The following SLC2A4 variants were observed in gnomAD, a reference collection of about 807,000 sequenced individuals.
The protein encoded by SLC2A4 is solute carrier family 2, facilitated glucose transporter member 4.
A neutral mutation model predicts 53.3 loss-of-function variants in SLC2A4; 31 were observed. That is an observed-to-expected ratio of 0.58 (90% CI 0.44 to 0.78). The LOEUF (loss-of-function observed/expected upper bound fraction) is 0.78. Among genes scored for constraint, SLC2A4 ranks in the 30% least tolerant of loss-of-function variants. The pLI is 0.00. For missense variants in SLC2A4, 538 were observed against 655.7 expected (o/e 0.82, Z 1.96); for synonymous variants, 276 against 281.9 (o/e 0.98, Z 0.21).
chr17:7,286,037 C>G (rs754738529), intron 10 of SLC2A4, 129 bp downstream of exon 10: 16 of 791,038 alleles, frequency 2.0e-5, no homozygotes, highest in Non-Finnish European at 3.2e-5. Flanking sequence ...TTTGGTGGAC[C>G]ACCTGCTCCA....
chr17:7,284,532 G>A lies in SLC2A4; in HGVS notation c.775G>A (p.Glu259Lys), dbSNP rs767652718. The change falls in exon 7 of 11, where the codon GAG becomes AAG. Residue 259 changes from glutamate to lysine, a missense_variant. Physicochemically the swap from Glu to Lys is moderately conservative, Grantham distance 56. Transcript: ENST00000317370. This position sits in a 1 kb window ranked among gnomAD's most constrained non-coding sequence, Gnocchi z 7.5. ...GWADVSGVLA[E>K]LKDEKRKLER... is the part of the protein sequence containing the mutation. Reference sequence around the variant, plus strand: ...GGCCGATGTTTCTGGAGTGCTGGCTGAGCTGAAGGATGAGAAGCGGAAGCT... The same window carrying A: ...GGCCGATGTTTCTGGAGTGCTGGCTAAGCTGAAGGATGAGAAGCGGAAGCT... The A allele has an allele frequency of 6.2e-7, 1 of 1,614,270 alleles. No homozygotes were observed. The highest frequency in any genetic ancestry group is 8.5e-7 in the Non-Finnish European group (1 of 1,180,050).
rs1386223764 is a variant in SLC2A4 at position 7,284,723 on chromosome 17, A to G, written c.915+51A>G. The G allele has an allele frequency of 3.1e-6, 5 of 1,611,288 alleles. No individual in the cohort carries two copies. The Admixed American group carries it at 8.3e-5, about 27-fold the overall frequency. ...GGGCACAGCCCCGGGAGGGTAGACGAGAGTGGGGAGCAAACCCCCTCCACC... is the reference window on the plus strand; with the variant it reads ...GGGCACAGCCCCGGGAGGGTAGACGGGAGTGGGGAGCAAACCCCCTCCACC... On this transcript the variant is annotated intron_variant, in intron 7 of 10. Transcript: ENST00000317370. This position sits in a 1 kb window ranked among gnomAD's most constrained non-coding sequence, Gnocchi z 7.5.
chr17:7,284,861 C>T lies in SLC2A4; in HGVS notation c.942C>T (p.Phe314=), dbSNP rs143529618. The T allele has an allele frequency of 1.2e-5, 20 of 1,614,090 alleles. No homozygotes were observed. Among genetic ancestry groups the T allele is most frequent in the African/African-American group, 6.7e-5 (5 of 74,942 alleles). ...NAVFYYSTSI[F]ETAGVGQPAY... is the part of the protein sequence containing the mutation. ...TTTTCTATTATTCGACCAGCATCTT[C>T]GAGACAGCAGGGGTAGGCCAGCCTG... The change falls in exon 8 of 11, where the codon TTC becomes TTT. Residue 314 remains phenylalanine (F), a synonymous_variant. Transcript: ENST00000317370. The surrounding 1 kb of genome is among the most constrained non-coding windows in gnomAD (Gnocchi z 7.5).
Position 7,288,156 on chromosome 17 carries a change from G to A in SLC2A4, c.*1527G>A, listed in dbSNP as rs1001013141. ...ACACAGCTGGAGACATGGCAGCAAGGATGCCAGGCCCTGCCCACGGCCCCA... is the reference window on the plus strand; with the variant it reads ...ACACAGCTGGAGACATGGCAGCAAGAATGCCAGGCCCTGCCCACGGCCCCA... On this transcript the variant is annotated 3_prime_UTR_variant, in exon 11 of 11. Transcript: ENST00000317370. 6.5e-6 allele frequency: 1 copy of A among 153,490 alleles called. No individual in the cohort carries two copies. The highest frequency in any genetic ancestry group is 2.4e-5 in the African/African-American group (1 of 41,428). The allele number at this position is 153,490 out of a possible 1,614,324, so 9.5% of individuals were successfully genotyped here. A position where few individuals can be genotyped will look rare whatever the true frequency, so the allele number is the denominator to read the frequency against.
At position 7,284,269 on chromosome 17, in the gene SLC2A4, T is replaced by C; in HGVS notation, c.617T>C (p.Leu206Pro). The change falls in exon 6 of 11, where the codon CTG becomes CCG. Residue 206 changes from leucine to proline, a missense_variant. Leu to Pro is a moderately conservative substitution (Grantham distance 98). Transcript: ENST00000317370. This position sits in a 1 kb window ranked among gnomAD's most constrained non-coding sequence, Gnocchi z 7.5. ...ACTGCCAGCCTGTGGCCACTGCTCC[T>C]GGGCCTCACAGTGCTACCTGCCCTC... ...LGTASLWPLL[L>P]GLTVLPALLQ... The C allele has an allele frequency of 6.2e-7, 1 of 1,613,964 alleles. No individual in the cohort carries two copies. The highest frequency in any genetic ancestry group is 8.5e-7 in the Non-Finnish European group (1 of 1,180,016).
chr17:7,286,071 C>G (rs2072447335), intron 10 of SLC2A4, 163 bp downstream of exon 10: 3 of 669,386 alleles, frequency 4.5e-6, no homozygotes, highest in Admixed American at 2.9e-5. Context: ...AGGAAGGGAG[C>G]TGACCTAGAT....
chr17:7,282,169 C>T lies in SLC2A4; in HGVS notation c.33+202C>T, dbSNP rs1370257117. On this transcript the variant is annotated intron_variant, in intron 1 of 10. Transcript: ENST00000317370. The surrounding 1 kb of genome is among the most constrained non-coding windows in gnomAD (Gnocchi z 4.1). ...CAAAAGGCAGAGTGGGTCTGGAGGG[C>T]CTTTCGGGGCACAGGCAGCAAGTGG... The T allele has an allele frequency of 1.1e-5, 7 of 636,096 alleles. No individual in the cohort carries two copies. Among genetic ancestry groups the T allele is most frequent in the Non-Finnish European group, 1.4e-5 (5 of 350,176 alleles). 39.4% of individuals were successfully genotyped at this position (636,096 alleles called of 1,614,324 possible).
rs765115135 is a variant in SLC2A4, at chr17:7,283,346, C to T, written c.135C>T (p.Ile45=). Residue 45 remains isoleucine, a synonymous_variant, in exon 2 of 11, where the codon ATC becomes ATT. Transcript: ENST00000317370. This position sits in a 1 kb window ranked among gnomAD's most constrained non-coding sequence, Gnocchi z 5.8. ...AGTTTGGGTACAACATTGGGGTCATCAATGCCCCTCAGAAGGTGAGGGCCT... is the reference window on the plus strand; with the variant it reads ...AGTTTGGGTACAACATTGGGGTCATTAATGCCCCTCAGAAGGTGAGGGCCT... ...SLQFGYNIGV[I]NAPQKVIEQS... 4.3e-6 allele frequency: 7 copies of T among 1,613,558 alleles called. No homozygotes were observed. The highest frequency in any genetic ancestry group is 5.9e-6 in the Non-Finnish European group (7 of 1,179,708).
Position 7,282,107 on chromosome 17 carries a change from G to C in SLC2A4, c.33+140G>C. The C allele has an allele frequency of 2.7e-6, 2 of 744,656 alleles. No homozygotes were observed. The highest frequency in any genetic ancestry group is 4.7e-6 in the Non-Finnish European group (2 of 426,300). The allele number at this position is 744,656 out of a possible 1,614,324, so 46.1% of individuals were successfully genotyped here. On this transcript the variant is annotated intron_variant, in intron 1 of 10. Transcript: ENST00000317370. The surrounding 1 kb of genome is among the most constrained non-coding windows in gnomAD (Gnocchi z 4.1). ...GTAGGGGGCTGGCTATTTATACCCG[G>C]CCTGGACAACCCGTGACTGTGAGAT... is the stretch of plus-strand genomic sequence containing the variant.
Position 7,285,053 on chromosome 17 carries a change from A to AAAAGGCTGGGG in SLC2A4, c.1021-34_1021-24dup, listed in dbSNP as rs1464356559. 6.2e-7 allele frequency: 1 copy of AAAAGGCTGGGG among 1,609,788 alleles called. No homozygotes were observed. The highest frequency in any genetic ancestry group is 8.5e-7 in the Non-Finnish European group (1 of 1,178,430). On this transcript the variant is annotated intron_variant, in intron 8 of 10. Coordinates refer to ENST00000317370, the MANE Select transcript of SLC2A4 (RefSeq NM_001042.3). This position sits in a 1 kb window ranked among gnomAD's most constrained non-coding sequence, Gnocchi z 6.0. ...GCGGCCCCTCCTACTTCCCGTGCCC[A>AAAAGGCTGGGG]AAAGGCTGGGGTCAAGCTCCGACTC... is the stretch of plus-strand genomic sequence containing the variant.
In SLC2A4 at chr17:7,285,875, C is replaced by T; in HGVS notation, c.1293C>T (p.Asn431=). The change falls in exon 10 of 11, where the codon AAC becomes AAT. Residue 431 remains asparagine, a synonymous_variant. Transcript: ENST00000317370. The surrounding 1 kb of genome is among the most constrained non-coding windows in gnomAD (Gnocchi z 6.0). ...AVAGFSNWTS[N]FIIGMGFQYV... is the part of the protein sequence containing the mutation. ...CTGGTTTCTCCAACTGGACGAGCAA[C>T]TTCATCATTGGCATGGGTTTCCAGT... 1 of 1,614,152 alleles carries T rather than the reference C, an allele frequency of 6.2e-7. No individual in the cohort carries two copies. The highest frequency in any genetic ancestry group is 8.5e-7 in the Non-Finnish European group (1 of 1,179,966).
At position 7,284,797 on chromosome 17, in the gene SLC2A4, C is replaced by T. The variant is rs1268775798; in HGVS notation, c.916-38C>T. ...GTTGTGGCTGGAGTAGAGGAAGGGGCATTCCTGCCATCACTTCTTCTTCTC... is the reference window on the plus strand; with the variant it reads ...GTTGTGGCTGGAGTAGAGGAAGGGGTATTCCTGCCATCACTTCTTCTTCTC... On this transcript the variant is annotated intron_variant, in intron 7 of 10. Transcript: ENST00000317370. The surrounding 1 kb of genome is among the most constrained non-coding windows in gnomAD (Gnocchi z 7.5). The T allele has an allele frequency of 6.2e-7, 1 of 1,613,112 alleles. No homozygotes were observed. Among genetic ancestry groups the T allele is most frequent in the Admixed American group, 1.7e-5 (1 of 60,026 alleles).
chr17:7,283,402 G>C lies in SLC2A4; in HGVS notation c.150+41G>C, dbSNP rs749618851. 1 of 1,612,414 alleles carries C rather than the reference G, an allele frequency of 6.2e-7. No individual in the cohort carries two copies. The highest frequency in any genetic ancestry group is 1.1e-5 in the South Asian group (1 of 91,034). On this transcript the variant is annotated intron_variant, in intron 2 of 10. Transcript: ENST00000317370. This position sits in a 1 kb window ranked among gnomAD's most constrained non-coding sequence, Gnocchi z 5.8. ...TGGCAGGGTGGGGGTACCCAAACGA[G>C]GAGGACAGGTGTCTCGGGGGTGGTG...
chr17:7,282,883 C>T lies in SLC2A4; in HGVS notation c.34-362C>T, dbSNP rs539822305. ...TAGGTAGGCAAGGCAGGCAACATCA[C>T]CCCCATCTCACAGAGGACACTCAGG... On this transcript the variant is annotated intron_variant, in intron 1 of 10. Transcript: ENST00000317370. The surrounding 1 kb of genome is among the most constrained non-coding windows in gnomAD (Gnocchi z 4.1). 7 of 376,684 alleles carry T rather than the reference C, an allele frequency of 1.9e-5. No homozygotes were observed. Among genetic ancestry groups the T allele is most frequent in the Admixed American group, 3.7e-5 (1 of 27,200 alleles). The allele number at this position is 376,684 out of a possible 1,614,324, so 23.3% of individuals were successfully genotyped here.
In SLC2A4 at chr17:7,283,212, T is replaced by G; in HGVS notation, c.34-33T>G. ...GAAGGAAAAAAATCATGGTTCCATGTGACATGCTGTGTCTTTGTGTCTGCC... is the reference window on the plus strand; with the variant it reads ...GAAGGAAAAAAATCATGGTTCCATGGGACATGCTGTGTCTTTGTGTCTGCC... On this transcript the variant is annotated intron_variant, in intron 1 of 10. Transcript: ENST00000317370. The surrounding 1 kb of genome is among the most constrained non-coding windows in gnomAD (Gnocchi z 5.8). 60 of 1,558,836 alleles carry G rather than the reference T, an allele frequency of 3.8e-5. No individual in the cohort carries two copies. Among genetic ancestry groups the G allele is most frequent in the Non-Finnish European group, 4.9e-5 (55 of 1,129,722 alleles).
rs750195238 is a variant in SLC2A4 at position 7,284,960 on chromosome 17, T to C, written c.1020+21T>C. ...TCTCGGTAACTGCTCACCTCTGGAA[T>C]GGCCCGAGCCACTGGCTTCACCTCC... On this transcript the variant is annotated intron_variant, in intron 8 of 10. Coordinates refer to ENST00000317370, the MANE Select transcript of SLC2A4 (RefSeq NM_001042.3). This position sits in a 1 kb window ranked among gnomAD's most constrained non-coding sequence, Gnocchi z 7.5. The C allele has an allele frequency of 4.3e-6, 7 of 1,613,686 alleles. No homozygotes were observed. Among genetic ancestry groups the C allele is most frequent in the Non-Finnish European group, 5.1e-6 (6 of 1,179,956 alleles).
chr17:7,286,857 AGG>A lies in SLC2A4; in HGVS notation c.*230_*231del. The A allele has an allele frequency of 1.9e-6, 1 of 526,334 alleles. No homozygotes were observed. Among genetic ancestry groups the A allele is most frequent in the East Asian group, 3.4e-5 (1 of 29,148 alleles). 32.6% of individuals were successfully genotyped at this position (526,334 alleles called of 1,614,324 possible). On this transcript the variant is annotated 3_prime_UTR_variant, in exon 11 of 11. Coordinates refer to ENST00000317370, the MANE Select transcript of SLC2A4 (RefSeq NM_001042.3). ...GTGTTGTGGTTTGGCCGTGGCCATC[AGG>A]GTGGGCCACTCTCCCCTCCCTCTTC...
At position 7,288,052 on chromosome 17, in the gene SLC2A4, T is replaced by A. The variant is rs1597602000; in HGVS notation, c.*1423T>A. On this transcript the variant is annotated 3_prime_UTR_variant, in exon 11 of 11. Transcript: ENST00000317370. ...GGCATTGCTCTTGGCATTTGCAGAA[T>A]ACTCACTCTGTGAGGGAGGTGTCAG... 3 of 152,296 alleles carry A rather than the reference T, an allele frequency of 2.0e-5. No homozygotes were observed. In the East Asian group the frequency reaches 5.8e-4, roughly 29 times the overall value. 9.4% of individuals were successfully genotyped at this position (152,296 alleles called of 1,614,324 possible). A position where few individuals can be genotyped will look rare whatever the true frequency, so the allele number is the denominator to read the frequency against.
rs1216097308 is a variant in SLC2A4, at chr17:7,283,232, T to G, written c.34-13T>G. 8 of 1,604,050 alleles carry G rather than the reference T, an allele frequency of 5.0e-6. No homozygotes were observed. Among genetic ancestry groups the G allele is most frequent in the African/African-American group, 1.3e-5 (1 of 74,694 alleles). On this transcript the variant is annotated splice_polypyrimidine_tract_variant and intron_variant, in intron 1 of 10. Coordinates refer to ENST00000317370, the MANE Select transcript of SLC2A4 (RefSeq NM_001042.3). This position sits in a 1 kb window ranked among gnomAD's most constrained non-coding sequence, Gnocchi z 5.8. ...CCATGTGACATGCTGTGTCTTTGTG[T>G]CTGCCTGTTCAGGATGGGGAACCCC... is the stretch of plus-strand genomic sequence containing the variant.
Sources: gnomAD v4.1 joint callset for allele counts on GRCh38, gnomAD v4.1.1 for gene constraint, Gnocchi (gnomAD v3.1) non-coding constraint, MANE v1.5 for transcripts, NCBI Gene and HGNC (gene_info 2026-07-23, HGNC 2026-07-21) for gene names.